The following CYP2F1 variants were observed in gnomAD, a reference collection of about 807,000 sequenced individuals.
CYP2F1 encodes the protein cytochrome P450 family 2 subfamily F member 1.
Under a neutral mutation model 40.4 loss-of-function variants are expected in CYP2F1, and 33 were observed. The ratio of observed to expected loss-of-function variants is 0.82; its 90% CI spans 0.62 to 1.09. The LOEUF is 1.09. Among genes scored for constraint, CYP2F1 ranks in the 50% least tolerant of loss-of-function variants. CYP2F1 has a pLI of 0.00. For synonymous variants in CYP2F1, 235 were observed against 277.2 expected, an observed-to-expected ratio of 0.85 and a Z score of 1.51; for missense variants, 566 against 655.7, an observed-to-expected ratio of 0.86 and a Z score of 1.49.
In CYP2F1 at chr19:41,119,719, CTCTCTATATA is replaced by C. The variant is rs1200192202; in HGVS notation, c.335-626_335-617del. Among the ~76,000 whole-genome samples, 12 of 38,126 alleles carry C rather than the reference CTCTCTATATA, an allele frequency of 3.1e-4. No individual in the cohort carries two copies. In the South Asian group the frequency reaches 5.2e-3, roughly 16 times the overall value. 25.0% of individuals were successfully genotyped at this position (38,126 alleles called of 152,430 possible). On this transcript the variant is annotated intron_variant, in intron 3 of 9. Coordinates refer to ENST00000331105, the MANE Select transcript of CYP2F1 (RefSeq NM_000774.5). Reference sequence around the variant, plus strand: ...TCTCTCTCTCTCTCTCTCTCTCTCTCTCTCTATATATATATATATATATATATATACACAC... The same window carrying C: ...TCTCTCTCTCTCTCTCTCTCTCTCTCTATATATATATATATATATACACAC...
In CYP2F1 at chr19:41,127,978, T is replaced by C; in HGVS notation, c.1372T>C (p.Ser458Pro). Residue 458 changes from serine (S) to proline (P), a missense_variant, in exon 10 of 10, where the codon TCG (serine) becomes CCG (proline). Physicochemically the swap from Ser to Pro is moderately conservative, Grantham distance 74. Transcript: ENST00000331105. ...LYLTAILQSFSLQPLGAPEDI... is the reference protein window; with the variant it reads ...LYLTAILQSFPLQPLGAPEDI... Reference sequence around the variant, plus strand: ...CCTCACCGCCATCCTGCAGAGCTTTTCGCTGCAGCCGCTGGGTGCGCCCGA... The same window carrying C: ...CCTCACCGCCATCCTGCAGAGCTTTCCGCTGCAGCCGCTGGGTGCGCCCGA... The C allele has an allele frequency of 6.2e-7, 1 of 1,613,498 alleles. No homozygotes were observed. The highest frequency in any genetic ancestry group is 8.5e-7 in the Non-Finnish European group (1 of 1,179,990).
Position 41,116,590 on chromosome 19 carries a change from G to A in CYP2F1, c.307G>A (p.Ala103Thr), listed in dbSNP as rs76335535. The A allele has an allele frequency of 6.3e-4, 1,014 of 1,613,916 alleles. 14 individuals are homozygous for A. The East Asian group carries it at 0.018, about 28-fold the overall frequency. ...EEFSGRGDYP[A>T]FFNFTKGNGI... ...GTTTAGTGGCCGCGGTGACTACCCT[G>A]CCTTTTTCAACTTTACCAAGGGCAA... The change falls in exon 3 of 10, where the codon GCC becomes ACC. Residue 103 changes from alanine (A) to threonine (T), a missense_variant. By Grantham distance (58) the Ala-to-Thr change is moderately conservative (BLOSUM62 0). Coordinates refer to ENST00000331105, the MANE Select transcript of CYP2F1 (RefSeq NM_000774.5).
At chr19:41,126,125 AT>A (rs1439819636) in intron 9 of CYP2F1, among the ~76,000 whole-genome samples, 2 of 148,242 alleles carry the variant, frequency 1.3e-5, no homozygotes, top group Non-Finnish European at 3.0e-5. Context: ...CTCAAAAAAA[AT>A]AATGATAATA....
intron 3 of CYP2F1, among the ~76,000 whole-genome samples, chr19:41,117,332 A>C (rs566797114): frequency 2.9e-4 from 44 of 152,036 alleles, no homozygotes; most frequent in African/African-American, 1.0e-3. Flanking sequence ...GGGTTTTGCC[A>C]TGTTGGTCAG....
chr19:41,119,587 G>A (rs2032016242), intron 3 of CYP2F1, among the ~76,000 whole-genome samples: 1 of 151,574 alleles, frequency 6.6e-6, no homozygotes, highest in African/African-American at 2.4e-5. Flanking sequence ...TACTGGGGAG[G>A]CTGAGGCAGA....
chr19:41,124,799 A>C lies in CYP2F1; in HGVS notation c.1045A>C (p.Thr349Pro). 1 of 1,611,392 alleles carries C rather than the reference A, an allele frequency of 6.2e-7. No homozygotes were observed. The highest frequency in any genetic ancestry group is 8.5e-7 in the Non-Finnish European group (1 of 1,179,810). Residue 349 changes from threonine to proline, a missense_variant, in exon 8 of 10, where the codon ACA (threonine) becomes CCA (proline). Thr to Pro is a conservative substitution (Grantham distance 38). Transcript: ENST00000331105. Reference sequence around the variant, plus strand: ...GAAGGACCGCGCGGCCATGCCTTACACAGACGCGGTGATCCACGAGGTGCA... The same window carrying C: ...GAAGGACCGCGCGGCCATGCCTTACCCAGACGCGGTGATCCACGAGGTGCA... ...ALKDRAAMPY[T>P]DAVIHEVQRF...
rs779941356 is a variant in CYP2F1, at chr19:41,127,958, C to T, written c.1352C>T (p.Thr451Ile). The T allele has an allele frequency of 1.3e-5, 21 of 1,613,498 alleles. No homozygotes were observed. The East Asian group carries it at 4.7e-4, about 36-fold the overall frequency. Residue 451 changes from threonine to isoleucine, a missense_variant, in exon 10 of 10, where the codon ACC becomes ATC. Transcript: ENST00000331105. Reference protein sequence around the residue: ...LARMELFLYLTAILQSFSLQP... With the variant: ...LARMELFLYLIAILQSFSLQP... The stretch of plus-strand genomic sequence containing the variant: ...CGCATGGAGCTCTTTCTGTACCTCA[C>T]CGCCATCCTGCAGAGCTTTTCGCTG...
At chr19:41,122,790 T>TGGCTCACATCCCC (rs2032304784) in intron 6 of CYP2F1, 32 bp from the exon 7 acceptor site, 1 of 1,513,528 alleles carries the variant, frequency 6.6e-7, no homozygotes, top group South Asian at 1.4e-5. Flanking sequence ...CCTCCATTCC[T>TGGCTCACATCCCC]GGCTCACATC....
chr19:41,120,352 G>A lies in CYP2F1; in HGVS notation c.340G>A (p.Ala114Thr), dbSNP rs761345860. The A allele has an allele frequency of 2.1e-5, 34 of 1,592,800 alleles. No homozygotes were observed. Among genetic ancestry groups the A allele is most frequent in the African/African-American group, 1.9e-4 (14 of 73,578 alleles). Reference sequence around the variant, plus strand: ...TCCCCTCCTCTTCTCCCCAGGCATCGCCTTCTCCAGTGGGGATCGATGGAA... The same window carrying A: ...TCCCCTCCTCTTCTCCCCAGGCATCACCTTCTCCAGTGGGGATCGATGGAA... ...FFNFTKGNGI[A>T]FSSGDRWKVL... The change falls in exon 4 of 10, where the codon GCC becomes ACC. Residue 114 changes from alanine (A) to threonine (T), a missense_variant. By Grantham distance (58) the Ala-to-Thr change is moderately conservative. Transcript: ENST00000331105.
chr19:41,117,880 C>T (rs1003114892), intron 3 of CYP2F1, among the ~76,000 whole-genome samples: 4 of 151,810 alleles, frequency 2.6e-5, no homozygotes, highest in East Asian at 1.9e-4. Context: ...GATGGAGTCT[C>T]GTTCTGTTGC....
In CYP2F1 at chr19:41,125,615, C is replaced by T. The variant is rs769738380; in HGVS notation, c.1275C>T (p.Ala425=). The change falls in exon 9 of 10, where the codon GCC becomes GCT. Residue 425 remains alanine (A), a synonymous_variant. Coordinates refer to ENST00000331105, the MANE Select transcript of CYP2F1 (RefSeq NM_000774.5). The part of the protein sequence containing the change: ...DANQSFKKSP[A]FMPFSAGRRL... The stretch of plus-strand genomic sequence containing the variant: ...ATCAGTCCTTCAAGAAGAGTCCAGC[C>T]TTCATGCCCTTCTCAGCTGGTGAGG... The T allele has an allele frequency of 1.7e-5, 27 of 1,612,902 alleles. No individual in the cohort carries two copies. The highest frequency in any genetic ancestry group is 1.7e-6 in the Non-Finnish European group (2 of 1,179,476).
intron 7 of CYP2F1, 176 bp downstream of exon 7, chr19:41,123,139 C>G (rs1374007950): frequency 4.0e-6 from 3 of 743,964 alleles, no homozygotes; most frequent in Admixed American, 4.0e-5. Flanking sequence ...CCCATGAGGT[C>G]CATGCAGCCT....
chr19:41,116,760 G>A, intron 3 of CYP2F1, 143 bp downstream of exon 3: 1 of 972,202 alleles, frequency 1.0e-6, no homozygotes, highest in Non-Finnish European at 1.5e-6. Flanking sequence ...CAGCGAGGCA[G>A]TGTTGGTCTA....
In CYP2F1 at chr19:41,120,417, C is replaced by T. The variant is rs200252516; in HGVS notation, c.405C>T (p.Phe135=). Residue 135 remains phenylalanine (F), a synonymous_variant, in exon 4 of 10, where the codon TTC becomes TTT. Transcript: ENST00000331105. ...TCTCTATCCAGATTCTACGGAATTT[C>T]GGGATGGGGAAGAGAAGCATTGAGG... ...RQFSIQILRN[F]GMGKRSIEER... 1.9e-4 allele frequency: 312 copies of T among 1,613,866 alleles called. 1 individual carries two copies. The highest frequency in any genetic ancestry group is 1.2e-3 in the Admixed American group (73 of 59,968).
rs1442828905 is a variant in CYP2F1 at position 41,119,744 on chromosome 19, TATATACAC to T, written c.335-601_335-594del. Reference sequence around the variant, plus strand: ...CTCTCTATATATATATATATATATATATATACACACACACACACACACACACACACACA... The same window carrying T: ...CTCTCTATATATATATATATATATATACACACACACACACACACACACACA... On this transcript the variant is annotated intron_variant, in intron 3 of 9. Coordinates refer to ENST00000331105, the MANE Select transcript of CYP2F1 (RefSeq NM_000774.5). Among the ~76,000 whole-genome samples the T allele has an allele frequency of 3.0e-3, 190 of 63,874 alleles. 2 individuals are homozygous for T. The highest frequency in any genetic ancestry group is 3.8e-3 in the Non-Finnish European group (127 of 33,012). The allele number at this position is 63,874 out of a possible 152,430, so 41.9% of individuals were successfully genotyped here. A position where few individuals can be genotyped will look rare whatever the true frequency, so the allele number is the denominator to read the frequency against.
In CYP2F1 at chr19:41,122,821, G is replaced by C. The variant is rs1326428816; in HGVS notation, c.823-1G>C. On this transcript the variant is annotated splice_acceptor_variant, in intron 6 of 9. Coordinates refer to ENST00000331105, the MANE Select transcript of CYP2F1 (RefSeq NM_000774.5). LOFTEE classifies it high-confidence loss of function. ...ACATCCCCACCCCTCTACCAATGCA[G>C]GAGAAGGAGGACCCACTGAGCCACT... 1 of 1,534,560 alleles carries C rather than the reference G, an allele frequency of 6.5e-7. No individual in the cohort carries two copies. Among genetic ancestry groups the C allele is most frequent in the South Asian group, 1.3e-5 (1 of 77,608 alleles).
intron 4 of CYP2F1, among the ~76,000 whole-genome samples, chr19:41,120,716 A>C (rs914030774): frequency 2.0e-5 from 3 of 152,160 alleles, no homozygotes; most frequent in African/African-American, 7.2e-5. Flanking sequence ...TCCTGTGTGC[A>C]AATGATCCTC....
intron 3 of CYP2F1, among the ~76,000 whole-genome samples, chr19:41,119,723 C>CTCTATATATATATATA (rs1478574507): frequency 2.8e-5 from 1 of 35,830 alleles, no homozygotes; most frequent in Non-Finnish European, 5.2e-5. Flanking sequence ...CTCTCTCTCT[C>CTCTATATATATATATA]TATATATATA....
intron 7 of CYP2F1, chr19:41,123,367 A>G (rs1486918793): frequency 1.1e-5 from 4 of 354,600 alleles, no homozygotes; most frequent in Non-Finnish European, 1.1e-5. Context: ...CTGGGATTAC[A>G]CCACCACATC....
Sources: allele counts gnomAD v4.1 joint callset (sites outside exome capture counted in the v4.1 genomes callset), GRCh38; gene constraint gnomAD v4.1.1; transcripts MANE v1.5; gene names NCBI Gene and HGNC (gene_info 2026-07-23, HGNC 2026-07-21).